The following CASK variants were observed in gnomAD, a reference collection of about 807,000 sequenced individuals.
CASK encodes the protein peripheral plasma membrane protein CASK.
Under a neutral mutation model 82.9 loss-of-function variants are expected in CASK, and 4 were observed. The observed-to-expected ratio is 0.05, with a 90% CI of 0.02 to 0.11. CASK has a LOEUF of 0.11. Ranked by LOEUF, CASK falls within the 10% of genes least tolerant of loss-of-function variation. The pLI is 1.00. For synonymous variants in CASK, 259 were observed against 253.5 expected, an observed-to-expected ratio of 1.02 and a Z score of -0.20; for missense variants, 358 against 720.9, an observed-to-expected ratio of 0.50 and a Z score of 5.76.
At chrX:41,573,296 G>T (rs1235892391) in intron 15 of CASK, among the ~76,000 whole-genome samples, 1 of 107,487 alleles carries the variant, frequency 9.3e-6, no homozygotes, top group African/African-American at 3.4e-5. Flanking sequence ...ATGTAGCTTG[G>T]TATTGTTTTC....
chrX:41,591,430 A>G (rs979263321), intron 12 of CASK, among the ~76,000 whole-genome samples: 31 of 112,093 alleles, frequency 2.8e-4, no homozygotes, highest in Admixed American at 9.4e-5. Context: ...AGTTCTAGTG[A>G]TCTGCTGTAC....
intron 7 of CASK, among the ~76,000 whole-genome samples, chrX:41,663,788 T>G (rs958876545): frequency 3.6e-5 from 4 of 112,184 alleles, no homozygotes; most frequent in Admixed American, 1.9e-4. Flanking sequence ...CTAAGCACTT[T>G]ACTTATGTAA....
chrX:41,846,041 C>G, intron 2 of CASK, among the ~76,000 whole-genome samples: 1 of 111,270 alleles, frequency 9.0e-6, no homozygotes, highest in Non-Finnish European at 1.9e-5. Context: ...AAAAATAGAG[C>G]CATCATACAA....
chrX:41,785,298 C>A (rs757465454), intron 3 of CASK, among the ~76,000 whole-genome samples: 1 of 112,083 alleles, frequency 8.9e-6, no homozygotes, highest in South Asian at 3.7e-4. Flanking sequence ...TGAGCCACCA[C>A]GCCTGGCCTC....
At chrX:41,567,681 C>T (rs746822667) in intron 16 of CASK, among the ~76,000 whole-genome samples, 3 of 111,725 alleles carry the variant, frequency 2.7e-5, no homozygotes, top group Non-Finnish European at 3.8e-5. Context: ...GACAGTGTGG[C>T]GATTCCTCAA....
intron 5 of CASK, among the ~76,000 whole-genome samples, chrX:41,692,433 T>A (rs893832565): frequency 8.9e-6 from 1 of 111,980 alleles, no homozygotes; most frequent in African/African-American, 3.2e-5. Context: ...GTCTCAAAAA[T>A]CTCCAGTGGT....
At chrX:41,796,324 A>C (rs1169171614) in intron 2 of CASK, among the ~76,000 whole-genome samples, 1 of 112,800 alleles carries the variant, frequency 8.9e-6, no homozygotes, top group Admixed American at 9.4e-5. Flanking sequence ...AAAGTATGTG[A>C]GAGTGCACAT....
At chrX:41,821,539 T>A (rs2070541755) in intron 2 of CASK, among the ~76,000 whole-genome samples, 1 of 112,353 alleles carries the variant, frequency 8.9e-6, no homozygotes, top group South Asian at 3.7e-4. Flanking sequence ...AACTGCACTC[T>A]TGCATTTATG....
intron 1 of CASK, among the ~76,000 whole-genome samples, chrX:41,857,831 T>G (rs2147981976): frequency 8.9e-6 from 1 of 112,014 alleles, no homozygotes; most frequent in African/African-American, 3.2e-5. Flanking sequence ...ACAAGGAGAT[T>G]GTCAGGTTTC....
intron 8 of CASK, among the ~76,000 whole-genome samples, chrX:41,640,210 C>CT (rs371686354): frequency 0.15 from 15,227 of 104,076 alleles, 894 homozygotes; most frequent in Middle Eastern, 0.17. Context: ...TTCCATTGTT[C>CT]TTTTTTTTTT....
intron 8 of CASK, among the ~76,000 whole-genome samples, chrX:41,642,965 T>TGGCTAC (rs1488768245): frequency 8.9e-6 from 1 of 112,170 alleles, no homozygotes; most frequent in Non-Finnish European, 1.9e-5. Flanking sequence ...TTTCTACATA[T>TGGCTAC]GGCTACCCAG....
At chrX:41,793,919 TTTGGCAACAACACAGGTCAGG>T (rs1380875517) in intron 2 of CASK, among the ~76,000 whole-genome samples, 1 of 111,878 alleles carries the variant, frequency 8.9e-6, no homozygotes, top group Non-Finnish European at 1.9e-5. Flanking sequence ...CCCAGCTGCC[TTTGGCAACAACACAGGTCAGG>T]TTGGCTTTAA....
chrX:41,627,662 G>A, intron 9 of CASK, among the ~76,000 whole-genome samples: 1 of 112,055 alleles, frequency 8.9e-6, no homozygotes. Context: ...GTGGTATTTG[G>A]GAGTAAATCA....
chrX:41,713,795 T>C (rs1212865700), intron 5 of CASK, among the ~76,000 whole-genome samples: 8 of 111,671 alleles, frequency 7.2e-5, no homozygotes, highest in Non-Finnish European at 5.6e-5. Context: ...GTAGAGTCTT[T>C]AGAGGGCTAT....
At chrX:41,912,300 GTTTTTT>G (rs774775542) in intron 1 of CASK, among the ~76,000 whole-genome samples, 1 of 53,175 alleles carries the variant, frequency 1.9e-5, no homozygotes, top group Non-Finnish European at 3.4e-5. Context: ...TTTGTTTTCT[GTTTTTT>G]TTTTTTTTTT....
At chrX:41,564,262 C>T (rs776793257) in intron 16 of CASK, among the ~76,000 whole-genome samples, 4 of 112,520 alleles carry the variant, frequency 3.6e-5, no homozygotes, top group East Asian at 5.5e-4. Flanking sequence ...AAATGCTCAG[C>T]AACTAAGAAT....
chrX:41,588,865 T>C (rs751249551), intron 13 of CASK, among the ~76,000 whole-genome samples: 53 of 111,038 alleles, frequency 4.8e-4, no homozygotes, highest in African/African-American at 1.7e-3. Flanking sequence ...AGTAGAAACA[T>C]GGAAATATGC....
chrX:41,595,006 G>A (rs752722788), intron 12 of CASK, among the ~76,000 whole-genome samples: 10 of 111,729 alleles, frequency 9.0e-5, no homozygotes, highest in African/African-American at 2.0e-4. Context: ...AGCCCCTAGC[G>A]TGAGGCTGAG....
intron 3 of CASK, among the ~76,000 whole-genome samples, chrX:41,763,226 T>C (rs1370198135): frequency 1.8e-5 from 2 of 111,569 alleles, no homozygotes; most frequent in Middle Eastern, 4.6e-3. Flanking sequence ...GTGCAAGCGC[T>C]TGAGTAACTG....
Sources: gnomAD v4.1 joint callset for allele counts (sites outside exome capture counted in the v4.1 genomes callset) on GRCh38, gnomAD v4.1.1 for gene constraint, MANE v1.5 for transcripts, NCBI Gene and HGNC (gene_info 2026-07-23, HGNC 2026-07-21) for gene names.